The following CADPS variants were observed in gnomAD, a reference collection of about 807,000 sequenced individuals.
The protein encoded by CADPS is calcium dependent secretion activator, also known as calcium-dependent secretion activator 1.
In CADPS, 57 loss-of-function variants were observed where a neutral mutation model predicts 167.3. The observed-to-expected ratio is 0.34, with a 90% CI of 0.28 to 0.42. CADPS has a LOEUF of 0.42. CADPS is among the 20% of genes least tolerant of loss of function. The pLI is 1.00. For missense variants in CADPS, 1,414 were observed against 1,738.1 expected (o/e 0.81, Z 3.32); for synonymous variants, 676 against 635.3 (o/e 1.06, Z -0.96).
In CADPS at chr3:62,514,152, A is replaced by G. The variant is rs559039408; in HGVS notation, c.2582-1384T>C. ...GCTGTTAATTCTCACAGAGGGGCTC[A>G]AATGTAAAAAATGAAAGATTTCTTC... On this transcript the variant is annotated intron_variant, in intron 16 of 29. Transcript: ENST00000383710. The surrounding 1 kb of genome is among the most constrained non-coding windows in gnomAD (Gnocchi z 4.2). 6.6e-6 allele frequency among the ~76,000 whole-genome samples: 1 copy of G among 152,130 alleles called. No homozygotes were observed. The highest frequency in any genetic ancestry group is 2.1e-4 in the South Asian group (1 of 4,834).
At chr3:62,592,162 T>C (rs2086200271) in intron 7 of CADPS, among the ~76,000 whole-genome samples, 1 of 152,190 alleles carries the variant, frequency 6.6e-6, no homozygotes, top group Non-Finnish European at 1.5e-5. Flanking sequence ...ACAGTGACTC[T>C]TCATATGGGA....
At position 62,874,858 on chromosome 3, in the gene CADPS, C is replaced by G; in HGVS notation, c.172G>C (p.Gly58Arg). The change falls in exon 1 of 30, where the codon GGG becomes CGG. Residue 58 changes from glycine (G) to arginine (R), a missense_variant. This residue lies in a region of CADPS where 522 missense variants were observed against 559.5 expected (regional missense o/e 0.93). Transcript: ENST00000383710. The surrounding 1 kb of genome is among the most constrained non-coding windows in gnomAD (Gnocchi z 7.1). ...CCCCCGCCGCCGCCTGCACCCACCC[C>G]GGCTCCGGCGCCGGCGCCGCCGCCC... is the stretch of plus-strand genomic sequence containing the variant. The part of the protein sequence containing the change: ...LGGGGAGAGA[G>R]VGAGGGGGSG... 9.2e-7 allele frequency: 1 copy of G among 1,090,210 alleles called. No homozygotes were observed. The highest frequency in any genetic ancestry group is 1.1e-6 in the Non-Finnish European group (1 of 898,784). 67.5% of individuals were successfully genotyped at this position (1,090,210 alleles called of 1,614,324 possible). A position where few individuals can be genotyped will look rare whatever the true frequency, so the allele number is the denominator to read the frequency against.
intron 24 of CADPS, chr3:62,466,793 TG>T: frequency 4.1e-6 from 1 of 243,778 alleles, no homozygotes; most frequent in Non-Finnish European, 8.1e-6. Context: ...GGAAAACTGC[TG>T]GGGGTTGTGG....
In CADPS at chr3:62,731,688, A is replaced by C. The variant is rs534659223; in HGVS notation, c.888+21753T>G. On this transcript the variant is annotated intron_variant, in intron 3 of 29. Coordinates refer to ENST00000383710, the MANE Select transcript of CADPS (RefSeq NM_003716.4). ...ATGTGAGGTAGGAATACAATTTGCC[A>C]ACACATATTTCTTGAGGTGTATTAT... 2.0e-5 allele frequency among the ~76,000 whole-genome samples: 3 copies of C among 151,796 alleles called. No homozygotes were observed. In the South Asian group the frequency reaches 6.3e-4, roughly 32 times the overall value.
chr3:62,596,424 C>T (rs937173830), intron 6 of CADPS, among the ~76,000 whole-genome samples: 6 of 152,066 alleles, frequency 3.9e-5, no homozygotes, highest in Admixed American at 6.5e-5. Context: ...TTGCGAACTC[C>T]TGACCTCAAG....
At chr3:62,599,575 A>C (rs2148989008) in intron 6 of CADPS, among the ~76,000 whole-genome samples, 1 of 101,276 alleles carries the variant, frequency 9.9e-6, no homozygotes, top group South Asian at 2.6e-4. Flanking sequence ...TATATAAATT[A>C]TACAAATTAT....
intron 1 of CADPS, among the ~76,000 whole-genome samples, chr3:62,808,447 A>G (rs2094221654): frequency 6.6e-6 from 1 of 152,138 alleles, no homozygotes. Flanking sequence ...GGTGCGGTCA[A>G]AAAGTCCTGC....
chr3:62,419,731 C>T (rs772904453), intron 28 of CADPS, among the ~76,000 whole-genome samples: 10 of 151,952 alleles, frequency 6.6e-5, no homozygotes, highest in Non-Finnish European at 1.2e-4. Context: ...TGCATTAATT[C>T]GCAAGCAGAT....
intron 1 of CADPS, among the ~76,000 whole-genome samples, chr3:62,807,525 G>T (rs532725248): frequency 6.6e-6 from 1 of 151,986 alleles, no homozygotes; most frequent in Admixed American, 6.6e-5. Context: ...GCCTCCCAAA[G>T]TGCTGGGATT....
At chr3:62,499,463 T>C (rs1184362115) in intron 17 of CADPS, 195 bp from the exon 18 acceptor site, 1 of 423,374 alleles carries the variant, frequency 2.4e-6, no homozygotes, top group South Asian at 3.2e-5. Flanking sequence ...TTATAATATA[T>C]ATTAGAAAAA....
chr3:62,681,866 G>A (rs2077201361), intron 3 of CADPS, among the ~76,000 whole-genome samples: 1 of 152,032 alleles, frequency 6.6e-6, no homozygotes, highest in African/African-American at 2.4e-5. Flanking sequence ...AACAGGTAGG[G>A]GAAAATAAAG....
At chr3:62,750,280 G>A (rs1437970479) in intron 3 of CADPS, among the ~76,000 whole-genome samples, 1 of 148,436 alleles carries the variant, frequency 6.7e-6, no homozygotes, top group Non-Finnish European at 1.5e-5. Flanking sequence ...GAACCTGGGA[G>A]GTGGAGGTTG....
At chr3:62,424,087 G>A (rs2052068324) in intron 28 of CADPS, among the ~76,000 whole-genome samples, 1 of 152,142 alleles carries the variant, frequency 6.6e-6, no homozygotes, top group African/African-American at 2.4e-5. Flanking sequence ...GCTTTGGGCT[G>A]ACAAACACTG....
At chr3:62,630,593 G>A (rs1057038059) in intron 6 of CADPS, among the ~76,000 whole-genome samples, 2 of 152,000 alleles carry the variant, frequency 1.3e-5, no homozygotes, top group Non-Finnish European at 2.9e-5. Flanking sequence ...GGCTTCAAGC[G>A]ACCCACACAC....
At chr3:62,733,723 A>G (rs1349816145) in intron 3 of CADPS, among the ~76,000 whole-genome samples, 1 of 152,084 alleles carries the variant, frequency 6.6e-6, no homozygotes, top group Non-Finnish European at 1.5e-5. Flanking sequence ...TTTTTGAGGA[A>G]AAGGTGGTTT....
intron 1 of CADPS, among the ~76,000 whole-genome samples, chr3:62,869,708 CCACATCT>C (rs914758043): frequency 5.9e-5 from 9 of 152,126 alleles, no homozygotes; most frequent in African/African-American, 1.9e-4. Flanking sequence ...AGTTCAGGAA[CCACATCT>C]CACAAGTACC....
intron 1 of CADPS, among the ~76,000 whole-genome samples, chr3:62,871,025 A>T (rs975407324): frequency 2.0e-5 from 3 of 152,144 alleles, no homozygotes; most frequent in African/African-American, 7.2e-5. Context: ...TTTTGGTCAT[A>T]AATTATTTCG....
intron 28 of CADPS, among the ~76,000 whole-genome samples, chr3:62,424,167 G>A (rs192041396): frequency 4.6e-5 from 7 of 151,996 alleles, no homozygotes; most frequent in Admixed American, 2.0e-4. Context: ...GAACTTACTC[G>A]CAGTGCAATT....
At chr3:62,664,248 C>T (rs1442778366) in intron 3 of CADPS, among the ~76,000 whole-genome samples, 6 of 152,184 alleles carry the variant, frequency 3.9e-5, no homozygotes, top group East Asian at 3.9e-4. Flanking sequence ...CCTCGTGATA[C>T]GCCTGCCTTG....
Sources: allele counts gnomAD v4.1 joint callset (sites outside exome capture counted in the v4.1 genomes callset), GRCh38; gene constraint gnomAD v4.1.1; regional missense constraint gnomAD v4.1.1; non-coding constraint Gnocchi (gnomAD v3.1); transcripts MANE v1.5; gene names NCBI Gene and HGNC (gene_info 2026-07-23, HGNC 2026-07-21).